Variants in CCDC91 observed in about 807,000 individuals in gnomAD.
CCDC91 encodes coiled-coil domain containing 91.
Under a neutral mutation model 63.2 loss-of-function variants are expected in CCDC91, and 48 were observed. The observed-to-expected ratio is 0.76, with a 90% CI of 0.60 to 0.97. The LOEUF (loss-of-function observed/expected upper bound fraction) is 0.97, where lower values mean the gene tolerates loss of function less well. CCDC91 is among the 50% of genes least tolerant of loss of function. CCDC91 has a pLI of 0.00. For synonymous variants in CCDC91, 167 were observed against 165.8 expected, an observed-to-expected ratio of 1.01 and a Z score of -0.06; for missense variants, 500 against 494.6, an observed-to-expected ratio of 1.01 and a Z score of -0.10.
chr12:28,472,834 A>G (rs1950889243), intron 11 of CCDC91, among the ~76,000 whole-genome samples: 2 of 152,202 alleles, frequency 1.3e-5, no homozygotes, highest in South Asian at 4.1e-4. Context: ...AAAGTTTCTC[A>G]AATGCATAAG....
intron 7 of CCDC91, among the ~76,000 whole-genome samples, chr12:28,364,519 T>C (rs1475674698): frequency 2.6e-5 from 4 of 152,258 alleles, no homozygotes; most frequent in African/African-American, 7.2e-5. Flanking sequence ...AAAAGTCCTA[T>C]ATTATTATAG....
intron 6 of CCDC91, among the ~76,000 whole-genome samples, chr12:28,345,976 A>T (rs191490898): frequency 6.6e-6 from 1 of 152,192 alleles, no homozygotes; most frequent in Admixed American, 6.5e-5. Flanking sequence ...CTTTAAATGA[A>T]TATTGTCTTT....
chr12:28,333,852 C>T (rs1941711211), intron 6 of CCDC91, among the ~76,000 whole-genome samples: 1 of 152,066 alleles, frequency 6.6e-6, no homozygotes, highest in African/African-American at 2.4e-5. Flanking sequence ...ATGTGAGTTA[C>T]AAGTTTTCCA....
chr12:28,549,988 C>G lies in CCDC91; in HGVS notation c.*815C>G, dbSNP rs1188112020. Reference sequence around the variant, plus strand: ...TCTTTTCCCAGTATTTCAGAATGTACTTAATTCACAGGCAGGATGCTTCAA... The same window carrying G: ...TCTTTTCCCAGTATTTCAGAATGTAGTTAATTCACAGGCAGGATGCTTCAA... On this transcript the variant is annotated 3_prime_UTR_variant, in exon 13 of 13. Coordinates refer to ENST00000536442, the MANE Select transcript of CCDC91 (RefSeq NM_018318.5). 1 of 152,484 alleles carries G rather than the reference C, an allele frequency of 6.6e-6. No individual in the cohort carries two copies. Among genetic ancestry groups the G allele is most frequent in the Non-Finnish European group, 1.5e-5 (1 of 67,970 alleles). 9.4% of individuals were successfully genotyped at this position (152,484 alleles called of 1,614,324 possible).
intron 1 of CCDC91, among the ~76,000 whole-genome samples, chr12:28,233,389 T>C (rs1944734989): frequency 6.6e-6 from 1 of 152,198 alleles, no homozygotes. Flanking sequence ...ATGTTTTTGA[T>C]ATTTATTATA....
intron 12 of CCDC91, among the ~76,000 whole-genome samples, chr12:28,502,389 C>G (rs977812552): frequency 1.3e-5 from 2 of 151,788 alleles, no homozygotes; most frequent in Non-Finnish European, 2.9e-5. Flanking sequence ...TGTGAAGGAC[C>G]TCTTCAAGGA....
At chr12:28,417,779 C>G (rs908919178) in intron 8 of CCDC91, among the ~76,000 whole-genome samples, 1 of 152,020 alleles carries the variant, frequency 6.6e-6, no homozygotes, top group Non-Finnish European at 1.5e-5. Context: ...TTCAACCATG[C>G]AATACTGGAT....
intron 8 of CCDC91, among the ~76,000 whole-genome samples, chr12:28,447,798 G>GAGGGA (rs1949591875): frequency 3.7e-5 from 1 of 26,916 alleles, no homozygotes; most frequent in East Asian, 1.7e-3. Flanking sequence ...GAGGGGAGGG[G>GAGGGA]AGGGGAGGGG....
At chr12:28,198,264 C>G (rs1011042994) in intron 1 of CCDC91, among the ~76,000 whole-genome samples, 4 of 152,054 alleles carry the variant, frequency 2.6e-5, no homozygotes, top group African/African-American at 7.2e-5. Flanking sequence ...TATGAGAATT[C>G]AGAACTTCTG....
chr12:28,384,734 C>T (rs1261627874), intron 7 of CCDC91, among the ~76,000 whole-genome samples: 4 of 151,510 alleles, frequency 2.6e-5, no homozygotes, highest in Non-Finnish European at 4.4e-5. Flanking sequence ...TTTTTTGTAC[C>T]ACTGTGTCTT....
At chr12:28,333,920 CTG>C (rs999366763) in intron 6 of CCDC91, among the ~76,000 whole-genome samples, 6 of 152,102 alleles carry the variant, frequency 3.9e-5, no homozygotes, top group Admixed American at 2.0e-4. Flanking sequence ...TTGTTAATCA[CTG>C]AGTTATTACC....
At chr12:28,397,490 A>G (rs1334817977) in intron 8 of CCDC91, among the ~76,000 whole-genome samples, 1 of 152,154 alleles carries the variant, frequency 6.6e-6, no homozygotes, top group Non-Finnish European at 1.5e-5. Context: ...GCCCCAGTCT[A>G]GAAAGATTAA....
chr12:28,265,592 G>C (rs1947134469), intron 3 of CCDC91, among the ~76,000 whole-genome samples: 1 of 151,228 alleles, frequency 6.6e-6, no homozygotes, highest in South Asian at 2.1e-4. Flanking sequence ...CAACAGATCG[G>C]TCATTTTATT....
At chr12:28,526,229 G>C (rs1479865071) in intron 12 of CCDC91, among the ~76,000 whole-genome samples, 2 of 150,646 alleles carry the variant, frequency 1.3e-5, no homozygotes, top group Non-Finnish European at 3.0e-5. Context: ...GTTCTGTTTT[G>C]ATGTGTTTCC....
At chr12:28,461,601 T>C (rs1252427137) in intron 11 of CCDC91, among the ~76,000 whole-genome samples, 2 of 152,064 alleles carry the variant, frequency 1.3e-5, no homozygotes, top group Admixed American at 1.3e-4. Flanking sequence ...TATACATGCC[T>C]CTCAAAATCA....
At chr12:28,501,138 C>G (rs541541347) in intron 12 of CCDC91, among the ~76,000 whole-genome samples, 2 of 151,936 alleles carry the variant, frequency 1.3e-5, no homozygotes, top group African/African-American at 2.4e-5. Context: ...AAGAAGCACT[C>G]TAGTCATCAG....
At chr12:28,483,523 A>G (rs1348484783) in intron 11 of CCDC91, among the ~76,000 whole-genome samples, 2 of 152,078 alleles carry the variant, frequency 1.3e-5, no homozygotes, top group Non-Finnish European at 2.9e-5. Context: ...CTCATTTCAA[A>G]TACTAGCACA....
At chr12:28,392,456 G>C (rs1946010009) in intron 8 of CCDC91, among the ~76,000 whole-genome samples, 1 of 152,142 alleles carries the variant, frequency 6.6e-6, no homozygotes, top group African/African-American at 2.4e-5. Flanking sequence ...AACATTACCT[G>C]ATACAATTTC....
chr12:28,405,860 C>G (rs952566655), intron 8 of CCDC91, among the ~76,000 whole-genome samples: 1 of 151,982 alleles, frequency 6.6e-6, no homozygotes, highest in African/African-American at 2.4e-5. Flanking sequence ...ATTTAGATAA[C>G]AGATATGAGA....
Sources: allele counts gnomAD v4.1 joint callset (sites outside exome capture counted in the v4.1 genomes callset), GRCh38; gene constraint gnomAD v4.1.1; transcripts MANE v1.5; gene names NCBI Gene and HGNC (gene_info 2026-07-23, HGNC 2026-07-21).